GRM8: variants seen among roughly 807,000 people sequenced by gnomAD.
GRM8 encodes the protein glutamate metabotropic receptor 8.
In GRM8, 47 loss-of-function variants were observed where a neutral mutation model predicts 87.2. That is an observed-to-expected ratio of 0.54 (90% confidence interval 0.43 to 0.69). GRM8 has a LOEUF of 0.69. Among genes scored for constraint, GRM8 ranks in the 30% least tolerant of loss-of-function variants. GRM8 has a pLI of 0.00. For missense variants in GRM8, 1,019 were observed against 1,139.2 expected (o/e 0.89, Z 1.52); for synonymous variants, 396 against 404.5 (o/e 0.98, Z 0.25).
chr7:126,646,542 A>T (rs1015263934), intron 7 of GRM8, among the ~76,000 whole-genome samples: 1 of 152,174 alleles, frequency 6.6e-6, no homozygotes, highest in African/African-American at 2.4e-5. Flanking sequence ...CATGTTGCCA[A>T]ACCAGGAGAG....
chr7:126,562,618 G>C (rs181223048), intron 8 of GRM8, among the ~76,000 whole-genome samples: 10 of 152,152 alleles, frequency 6.6e-5, no homozygotes, highest in African/African-American at 2.4e-4. Context: ...AAGGTTGCCC[G>C]GCGTGGTGGC....
At chr7:126,704,915 GTC>G (rs1465596080) in intron 7 of GRM8, among the ~76,000 whole-genome samples, 1 of 152,076 alleles carries the variant, frequency 6.6e-6, no homozygotes, top group Non-Finnish European at 1.5e-5. Flanking sequence ...CCTTGTGATA[GTC>G]TATTACCTTG....
chr7:126,599,296 G>A (rs994994261), intron 8 of GRM8, among the ~76,000 whole-genome samples: 4 of 152,050 alleles, frequency 2.6e-5, no homozygotes, highest in African/African-American at 4.8e-5. Flanking sequence ...ATCTTTTAAC[G>A]TGATTATCCA....
At chr7:126,444,911 T>G (rs1801844097) in intron 10 of GRM8, among the ~76,000 whole-genome samples, 1 of 151,862 alleles carries the variant, frequency 6.6e-6, no homozygotes, top group South Asian at 2.1e-4. Context: ...TTTTGGAGGC[T>G]TAGGTGGGAG....
chr7:127,062,840 G>T (rs532058385), intron 3 of GRM8, among the ~76,000 whole-genome samples: 1 of 152,322 alleles, frequency 6.6e-6, no homozygotes, highest in African/African-American at 2.4e-5. Flanking sequence ...TTTTATATCT[G>T]TGGGGGTCAG....
At chr7:126,724,424 C>A (rs561913792) in intron 7 of GRM8, among the ~76,000 whole-genome samples, 8 of 152,088 alleles carry the variant, frequency 5.3e-5, no homozygotes, top group Non-Finnish European at 1.2e-4. Context: ...TAGAGGATGG[C>A]CAAGTCACTG....
intron 2 of GRM8, among the ~76,000 whole-genome samples, chr7:127,240,765 A>G (rs754487020): frequency 6.6e-6 from 1 of 152,104 alleles, no homozygotes; most frequent in Non-Finnish European, 1.5e-5. Context: ...TGAGCTGGAC[A>G]CCAACCCAGA....
intron 3 of GRM8, among the ~76,000 whole-genome samples, chr7:127,082,663 T>C (rs1008167036): frequency 6.6e-6 from 1 of 152,232 alleles, no homozygotes; most frequent in Non-Finnish European, 1.5e-5. Context: ...TTAGCTGTTA[T>C]TAGTCATTAA....
At chr7:126,453,540 T>C (rs1802882052) in intron 9 of GRM8, among the ~76,000 whole-genome samples, 1 of 151,674 alleles carries the variant, frequency 6.6e-6, no homozygotes, top group African/African-American at 2.4e-5. Flanking sequence ...CTAAAGAGAA[T>C]GATACAGCAT....
intron 6 of GRM8, among the ~76,000 whole-genome samples, chr7:126,884,293 G>T (rs1038490567): frequency 3.9e-5 from 6 of 151,968 alleles, no homozygotes; most frequent in African/African-American, 1.5e-4. Flanking sequence ...ATTAAAAAAA[G>T]GAAATCACGG....
intron 3 of GRM8, among the ~76,000 whole-genome samples, chr7:127,027,599 T>A (rs1413700020): frequency 6.6e-6 from 1 of 152,214 alleles, no homozygotes; most frequent in Non-Finnish European, 1.5e-5. Context: ...TTGAAGCAAT[T>A]GTGAATGGGA....
chr7:126,634,465 G>T (rs1380157260), intron 7 of GRM8, among the ~76,000 whole-genome samples: 1 of 152,082 alleles, frequency 6.6e-6, no homozygotes, highest in African/African-American at 2.4e-5. Flanking sequence ...CACTTTCCTT[G>T]TTTCCTTTGC....
At chr7:127,035,046 T>C (rs1817726567) in intron 3 of GRM8, among the ~76,000 whole-genome samples, 1 of 152,210 alleles carries the variant, frequency 6.6e-6, no homozygotes, top group Admixed American at 6.5e-5. Context: ...GAAAAAGAAC[T>C]TCAGCCTTCA....
intron 7 of GRM8, among the ~76,000 whole-genome samples, chr7:126,675,121 T>C (rs527643001): frequency 6.6e-6 from 1 of 152,358 alleles, no homozygotes; most frequent in African/African-American, 2.4e-5. Context: ...TATCAGTAGT[T>C]ACCTTTGGTT....
At chr7:126,610,150 A>C (rs1798777447) in intron 7 of GRM8, among the ~76,000 whole-genome samples, 2 of 152,180 alleles carry the variant, frequency 1.3e-5, no homozygotes. Context: ...CAAGAACTGT[A>C]GTCTTTTCTA....
intron 9 of GRM8, among the ~76,000 whole-genome samples, chr7:126,448,875 G>A (rs1006320258): frequency 6.6e-6 from 1 of 151,808 alleles, no homozygotes; most frequent in African/African-American, 2.4e-5. Flanking sequence ...ACACACACTG[G>A]GGCCTTTTGG....
At chr7:127,235,465 C>G (rs1797933007) in intron 2 of GRM8, among the ~76,000 whole-genome samples, 1 of 152,214 alleles carries the variant, frequency 6.6e-6, no homozygotes, top group Admixed American at 6.5e-5. Context: ...AGAAAGGGCC[C>G]TACACCACCA....
intron 3 of GRM8, among the ~76,000 whole-genome samples, chr7:126,964,847 C>A (rs1426172446): frequency 6.6e-6 from 1 of 152,072 alleles, no homozygotes; most frequent in African/African-American, 2.4e-5. Flanking sequence ...CTACTGTAAA[C>A]ACACATGCAC....
Position 126,770,054 on chromosome 7 carries a change from T to C in GRM8, c.1168A>G (p.Ile390Val), listed in dbSNP as rs745315525. The C allele has an allele frequency of 1.2e-6, 2 of 1,611,316 alleles. No individual in the cohort carries two copies. The highest frequency in any genetic ancestry group is 2.2e-5 in the South Asian group (2 of 90,948). The stretch of plus-strand genomic sequence containing the variant: ...TGTTCATAAGATGAATCCCGAGCAA[T>C]TCGCTCCAGCCCTGCAAAATAAAAA... The part of the protein sequence containing the change: ...HIKKCTGLER[I>V]ARDSSYEQEG... Residue 390 changes from isoleucine (I) to valine (V), a missense_variant, in exon 7 of 11, where the codon ATT becomes GTT. By Grantham distance (29) the Ile-to-Val change is conservative (BLOSUM62 3). Transcript: ENST00000339582.
Sources: allele counts gnomAD v4.1 joint callset (sites outside exome capture counted in the v4.1 genomes callset), GRCh38; gene constraint gnomAD v4.1.1; transcripts MANE v1.5; gene names NCBI Gene and HGNC (gene_info 2026-07-23, HGNC 2026-07-21).